Variants in FNIP1 observed in about 807,000 individuals in gnomAD.
The protein encoded by FNIP1 is folliculin interacting protein 1.
FNIP1 carries 40 observed loss-of-function variants against 124.5 expected under a neutral mutation model. That is an observed-to-expected ratio of 0.32 (90% CI 0.25 to 0.42). The LOEUF is 0.42. FNIP1 is among the 10% of genes least tolerant of loss of function. The probability of loss-of-function intolerance (pLI) is 1.00; values close to 1 mark genes in which losing one functional copy is unlikely to be tolerated. For synonymous variants in FNIP1, 472 were observed against 470.6 expected (o/e 1.00, Z -0.04); for missense variants, 1,176 against 1,403.7 (o/e 0.84, Z 2.59).
At chr5:131,779,867 G>C (rs1035191312) in intron 1 of FNIP1, among the ~76,000 whole-genome samples, 7 of 151,884 alleles carry the variant, frequency 4.6e-5, no homozygotes, top group Non-Finnish European at 1.5e-5. Flanking sequence ...GCAGATGTTA[G>C]AGCATGCTCT....
At position 131,730,865 on chromosome 5, in the gene FNIP1, A is replaced by T. The variant is rs1179237318; in HGVS notation, c.354+39T>A. 3.3e-6 allele frequency: 5 copies of T among 1,528,646 alleles called. No individual in the cohort carries two copies. The Admixed American group carries it at 8.0e-5, about 25-fold the overall frequency. The allele number at this position is 1,528,646 out of a possible 1,614,324, so 94.7% of individuals were successfully genotyped here. A position where few individuals can be genotyped will look rare whatever the true frequency, so the allele number is the denominator to read the frequency against. On this transcript the variant is annotated intron_variant, in intron 3 of 17. Coordinates refer to ENST00000510461, the MANE Select transcript of FNIP1 (RefSeq NM_133372.3). ...CACTGGATGATGTTCAAAACTAATT[A>T]TAAATGAATGAATAAATAAATGACA...
intron 11 of FNIP1, among the ~76,000 whole-genome samples, chr5:131,685,724 G>A (rs190018233): frequency 2.6e-4 from 40 of 151,866 alleles, no homozygotes; most frequent in Non-Finnish European, 5.0e-4. Context: ...AAAGTGCTGG[G>A]ATTACAGGCG....
chr5:131,748,214 C>T (rs1248108056), intron 1 of FNIP1, among the ~76,000 whole-genome samples: 1 of 152,162 alleles, frequency 6.6e-6, no homozygotes, highest in Non-Finnish European at 1.5e-5. Context: ...TGATGGTGGT[C>T]TCATAAGATT....
In FNIP1 at chr5:131,731,692, C is replaced by T. The variant is rs546337555; in HGVS notation, c.220-654G>A. On this transcript the variant is annotated intron_variant, in intron 2 of 17. Transcript: ENST00000510461. Reference sequence around the variant, plus strand: ...AACAAACAAAACAACCCTTAATGTTCTTACAAGTTATCGAGGATCCCAAGA... The same window carrying T: ...AACAAACAAAACAACCCTTAATGTTTTTACAAGTTATCGAGGATCCCAAGA... Among the ~76,000 whole-genome samples the T allele has an allele frequency of 1.6e-4, 25 of 151,548 alleles. No homozygotes were observed. In the South Asian group the frequency reaches 5.0e-3, roughly 30 times the overall value.
chr5:131,661,199 T>A (rs1767422187), intron 15 of FNIP1, among the ~76,000 whole-genome samples: 1 of 147,896 alleles, frequency 6.8e-6, no homozygotes, highest in African/African-American at 2.5e-5. Flanking sequence ...TGGGAGACCT[T>A]CTGTCCGTCT....
chr5:131,645,083 G>A (rs758813497), intron 17 of FNIP1, among the ~76,000 whole-genome samples: 7 of 152,116 alleles, frequency 4.6e-5, no homozygotes, highest in Non-Finnish European at 8.8e-5. Context: ...ACTTTGGGAG[G>A]CCTAGTTGGG....
At chr5:131,792,581 AT>A (rs1263672929) in intron 1 of FNIP1, among the ~76,000 whole-genome samples, 1 of 152,234 alleles carries the variant, frequency 6.6e-6, no homozygotes, top group African/African-American at 2.4e-5. Flanking sequence ...AAGAATCAGA[AT>A]AAATGTTCAT....
At chr5:131,684,851 G>A (rs1287459122) in intron 11 of FNIP1, among the ~76,000 whole-genome samples, 1 of 152,118 alleles carries the variant, frequency 6.6e-6, no homozygotes, top group Non-Finnish European at 1.5e-5. Flanking sequence ...AAAAGAATTT[G>A]TCAATCCAAT....
chr5:131,794,229 TAAAAAAAA>T (rs60617618), intron 1 of FNIP1, among the ~76,000 whole-genome samples: 201 of 48,466 alleles, frequency 4.1e-3, no homozygotes, highest in African/African-American at 0.014. Context: ...AGACTCCATC[TAAAAAAAA>T]AAAAAAAAAA....
intron 1 of FNIP1, among the ~76,000 whole-genome samples, chr5:131,761,266 C>G (rs1422201855): frequency 6.6e-6 from 1 of 152,090 alleles, no homozygotes; most frequent in African/African-American, 2.4e-5. Context: ...CCAGGAAGTC[C>G]TAGCTGGAGC....
At chr5:131,756,630 G>A (rs1351153260) in intron 1 of FNIP1, among the ~76,000 whole-genome samples, 1 of 152,154 alleles carries the variant, frequency 6.6e-6, no homozygotes, top group Non-Finnish European at 1.5e-5. Flanking sequence ...CACTTAATGA[G>A]GTAGGGAAAA....
intron 14 of FNIP1, 136 bp downstream of exon 14, chr5:131,671,369 T>A (rs969115763): frequency 1.4e-6 from 1 of 737,920 alleles, no homozygotes; most frequent in Non-Finnish European, 2.1e-6. Context: ...CTCCTTCTTA[T>A]GAGTTAAGAG....
At chr5:131,741,227 A>G (rs933395273) in intron 2 of FNIP1, among the ~76,000 whole-genome samples, 1 of 152,152 alleles carries the variant, frequency 6.6e-6, no homozygotes, top group Non-Finnish European at 1.5e-5. Flanking sequence ...CACTTCTTTA[A>G]GATCACTACA....
At chr5:131,780,406 T>A (rs796752736) in intron 1 of FNIP1, among the ~76,000 whole-genome samples, 1 of 152,202 alleles carries the variant, frequency 6.6e-6, no homozygotes, top group South Asian at 2.1e-4. Context: ...CAGAAGTCTA[T>A]GTAGGCATCT....
At chr5:131,697,262 G>A (rs1278270309) in intron 11 of FNIP1, among the ~76,000 whole-genome samples, 2 of 152,204 alleles carry the variant, frequency 1.3e-5, no homozygotes, top group South Asian at 2.1e-4. Context: ...ACAGTGGTAC[G>A]TAGTGTACAC....
intron 9 of FNIP1, 116 bp downstream of exon 9, chr5:131,706,295 G>T: frequency 8.6e-7 from 1 of 1,166,420 alleles, no homozygotes; most frequent in Non-Finnish European, 1.2e-6. Context: ...AATTTTAAAA[G>T]TTTTCAGTTT....
At chr5:131,690,147 C>T (rs1051794148) in intron 11 of FNIP1, among the ~76,000 whole-genome samples, 31 of 151,894 alleles carry the variant, frequency 2.0e-4, no homozygotes, top group Non-Finnish European at 3.2e-4. Flanking sequence ...GGTGTGAACC[C>T]GGGAGGCGGA....
rs138593210 is a variant in FNIP1 at position 131,776,934 on chromosome 5, C to T, written c.92+19896G>A. ...ACTTTTCTGAATACATGTTATACTT[C>T]AATAAATTGTACTTTAGGCTGGGTG... On this transcript the variant is annotated intron_variant, in intron 1 of 17. Transcript: ENST00000510461. 3.1e-3 allele frequency among the ~76,000 whole-genome samples: 479 copies of T among 152,168 alleles called. 2 individuals carry two copies. Among genetic ancestry groups the T allele is most frequent in the African/African-American group, 0.011 (456 of 41,512 alleles).
At chr5:131,712,184 C>T (rs975097216) in intron 6 of FNIP1, among the ~76,000 whole-genome samples, 2 of 151,752 alleles carry the variant, frequency 1.3e-5, no homozygotes, top group Non-Finnish European at 3.0e-5. Flanking sequence ...ATCCTAAGTT[C>T]CTTCCTCCCT....
Sources: allele counts gnomAD v4.1 joint callset (sites outside exome capture counted in the v4.1 genomes callset), GRCh38; gene constraint gnomAD v4.1.1; transcripts MANE v1.5; gene names NCBI Gene and HGNC (gene_info 2026-07-23, HGNC 2026-07-21).